Variants in FFAR1 observed in about 807,000 individuals in gnomAD.
The protein encoded by FFAR1 is G-protein coupled receptor 40.
For synonymous variants in FFAR1, 216 were observed against 201.5 expected (o/e 1.07, Z -0.61); for missense variants, 424 against 396.2 (o/e 1.07, Z -0.60).
upstream of FFAR1, among the ~76,000 whole-genome samples, chr19:35,351,239 ACCTGTGCGCCACATC>A (rs1352192316): frequency 6.6e-6 from 1 of 152,044 alleles, no homozygotes; most frequent in Non-Finnish European, 1.5e-5. Context: ...TTCCTCTGGG[ACCTGTGCGCCACATC>A]CTATCTCCTG....
exon 1 of FFAR1, chr19:35,353,521 T>C (rs1471525992): frequency 2.0e-5 from 3 of 152,196 alleles, no homozygotes; most frequent in Non-Finnish European, 2.9e-5. Context: ...TTGTATGTTA[T>C]ATATATTATG....
exon 1 of FFAR1, chr19:35,351,799 C>G (rs778277031): frequency 1.3e-6 from 2 of 1,599,260 alleles, no homozygotes; most frequent in East Asian, 2.3e-5. Context: ...CCCGTCTTCG[C>G]GGTGGCCCAC....
chr19:35,349,680 CAGAG>C (rs1362292046), upstream of FFAR1, among the ~76,000 whole-genome samples: 3 of 152,176 alleles, frequency 2.0e-5, no homozygotes, highest in African/African-American at 4.8e-5. Flanking sequence ...GGAGGCCACA[CAGAG>C]AGAGGTTTAT....
chr19:35,350,636 T>C (rs1370287419), upstream of FFAR1, among the ~76,000 whole-genome samples: 1 of 152,160 alleles, frequency 6.6e-6, no homozygotes, highest in Non-Finnish European at 1.5e-5. Context: ...TTCCTGCATC[T>C]TCCCAGCCCC....
upstream of FFAR1, chr19:35,351,509 C>G (rs1378188102): frequency 6.5e-7 from 1 of 1,529,316 alleles, no homozygotes; most frequent in Non-Finnish European, 8.8e-7. Context: ...GGACAGGGAG[C>G]CAGGTTGCAC....
upstream of FFAR1, among the ~76,000 whole-genome samples, chr19:35,350,522 C>T (rs1339409403): frequency 2.0e-5 from 3 of 152,240 alleles, no homozygotes; most frequent in Middle Eastern, 3.4e-3. Flanking sequence ...GAGGGAATAG[C>T]GCTGGGTTGT....
At chr19:35,352,020 T>A in exon 1 of FFAR1, 2 of 1,613,812 alleles carry the variant, frequency 1.2e-6, no homozygotes, top group Non-Finnish European at 1.7e-6. Flanking sequence ...CAGCAACACC[T>A]CCCTGGGCAT....
chr19:35,349,464 C>G (rs888936684), upstream of FFAR1, among the ~76,000 whole-genome samples: 1 of 152,204 alleles, frequency 6.6e-6, no homozygotes, highest in Admixed American at 6.5e-5. Flanking sequence ...TTCTCAGTTC[C>G]CAACAACACA....
exon 1 of FFAR1, chr19:35,351,621 G>T (rs1390150049): frequency 6.5e-7 from 1 of 1,543,262 alleles, no homozygotes; most frequent in Non-Finnish European, 8.7e-7. Flanking sequence ...CCCGCTCAAC[G>T]TCCTGGCCAT....
chr19:35,351,911 G>C, exon 1 of FFAR1: 2 of 1,614,056 alleles, frequency 1.2e-6, no homozygotes, highest in Non-Finnish European at 1.7e-6. Flanking sequence ...TCCGGAGGCC[G>C]TGCTATTCCT....
chr19:35,351,845 C>A (rs541591995), exon 1 of FFAR1: 38 of 1,611,958 alleles, frequency 2.4e-5, no homozygotes, highest in Non-Finnish European at 3.0e-5. Flanking sequence ...GCTTCCTGGC[C>A]GCCCTGAGTG....
At chr19:35,353,578 T>C (rs1226935892) in exon 1 of FFAR1, 1 of 152,286 alleles carries the variant, frequency 6.6e-6, no homozygotes, top group Non-Finnish European at 1.5e-5. Context: ...TACATGTTAC[T>C]GAAAACATTA....
exon 1 of FFAR1, chr19:35,353,051 T>C (rs1176993430): frequency 7.6e-6 from 1 of 132,212 alleles, no homozygotes; most frequent in Non-Finnish European, 1.6e-5. Context: ...CGGAGTTGAC[T>C]CTTGAACAAC....
chr19:35,352,176 C>G, exon 1 of FFAR1: 2 of 1,607,380 alleles, frequency 1.2e-6, no homozygotes, highest in Non-Finnish European at 1.7e-6. Context: ...CCTCCGGGCA[C>G]TGGCCCGCTC....
chr19:35,351,618 A>G, exon 1 of FFAR1: 1 of 1,542,900 alleles, frequency 6.5e-7, no homozygotes, highest in Non-Finnish European at 8.7e-7. Flanking sequence ...CTTCCCGCTC[A>G]ACGTCCTGGC....
chr19:35,351,873 G>T, exon 1 of FFAR1: 1 of 1,613,908 alleles, frequency 6.2e-7, no homozygotes, highest in Non-Finnish European at 8.5e-7. Flanking sequence ...CTACCTGGGA[G>T]CAGCCTTCCC....
At chr19:35,350,350 C>A (rs2066938834), upstream of FFAR1, among the ~76,000 whole-genome samples, 1 of 152,216 alleles carries the variant, frequency 6.6e-6, no homozygotes, top group South Asian at 2.1e-4. Context: ...CACTCCTTAC[C>A]CCACACACCC....
exon 1 of FFAR1, chr19:35,352,564 C>T: frequency 8.2e-7 from 1 of 1,226,610 alleles, no homozygotes; most frequent in Non-Finnish European, 1.1e-6. Context: ...CCGGAGGCCT[C>T]CCTGGAGCCA....
upstream of FFAR1, among the ~76,000 whole-genome samples, chr19:35,348,668 T>C (rs1289963475): frequency 3.9e-5 from 6 of 152,062 alleles, no homozygotes; most frequent in African/African-American, 9.7e-5. Flanking sequence ...CAAAATGGGG[T>C]CTGGTGTCAT....
Sources: allele counts gnomAD v4.1 joint callset (sites outside exome capture counted in the v4.1 genomes callset), GRCh38; gene constraint gnomAD v4.1.1; transcripts MANE v1.5; gene names NCBI Gene and HGNC (gene_info 2026-07-23, HGNC 2026-07-21).